Variants in ASIC2 observed in about 807,000 individuals in gnomAD.
ASIC2 encodes acid sensing ion channel subunit 2, also known as acid-sensing ion channel 2.
Under a neutral mutation model 57.3 loss-of-function variants are expected in ASIC2, and 25 were observed. The ratio of observed to expected loss-of-function variants is 0.44; its 90% CI spans 0.32 to 0.61. The LOEUF is 0.61. Among genes scored for constraint, ASIC2 ranks in the 20% least tolerant of loss-of-function variants. The probability of loss-of-function intolerance (pLI) is 0.06; values close to 1 mark genes in which losing one functional copy is unlikely to be tolerated. For synonymous variants in ASIC2, 319 were observed against 307.5 expected (o/e 1.04, Z -0.39); for missense variants, 641 against 738.1 (o/e 0.87, Z 1.52).
chr17:33,667,178 G>C (rs1004661575), intron 1 of ASIC2, among the ~76,000 whole-genome samples: 4 of 152,126 alleles, frequency 2.6e-5, no homozygotes, highest in Non-Finnish European at 5.9e-5. Context: ...ACAGTGATCC[G>C]CTTGTGTGCA....
At chr17:33,141,418 G>A (rs918852496) in intron 1 of ASIC2, among the ~76,000 whole-genome samples, 2 of 152,352 alleles carry the variant, frequency 1.3e-5, no homozygotes, top group African/African-American at 4.8e-5. Flanking sequence ...ACTGGGGAGA[G>A]GAAGGAGGAG....
At chr17:33,105,549 A>G (rs138433596) in intron 2 of ASIC2, among the ~76,000 whole-genome samples, 1 of 152,370 alleles carries the variant, frequency 6.6e-6, no homozygotes, top group African/African-American at 2.4e-5. Flanking sequence ...GGATATTGCT[A>G]TGAAGATACT....
At chr17:33,443,643 C>G (rs999766558) in intron 1 of ASIC2, among the ~76,000 whole-genome samples, 13 of 151,264 alleles carry the variant, frequency 8.6e-5, no homozygotes, top group Admixed American at 7.9e-4. Context: ...GTCTCGATCT[C>G]CTGACCTCGT....
intron 1 of ASIC2, among the ~76,000 whole-genome samples, chr17:33,384,276 A>T (rs2141948269): frequency 6.6e-6 from 1 of 152,342 alleles, no homozygotes; most frequent in Admixed American, 6.5e-5. Flanking sequence ...TTGAAGGGTG[A>T]TTTTGTAAGG....
chr17:34,011,933 A>G (rs769553065), intron 1 of ASIC2, among the ~76,000 whole-genome samples: 23 of 152,088 alleles, frequency 1.5e-4, no homozygotes, highest in Non-Finnish European at 2.9e-4. Context: ...CTTGCACCTG[A>G]CATCTCAGGT....
intron 1 of ASIC2, among the ~76,000 whole-genome samples, chr17:34,049,257 C>T (rs1383547895): frequency 6.6e-6 from 1 of 152,132 alleles, no homozygotes; most frequent in Non-Finnish European, 1.5e-5. Flanking sequence ...TGTGTCACTG[C>T]ACTCCTCCCT....
chr17:33,060,932 G>T (rs1366369286), intron 3 of ASIC2, among the ~76,000 whole-genome samples: 3 of 152,148 alleles, frequency 2.0e-5, no homozygotes, highest in African/African-American at 7.2e-5. Context: ...AACTGTGAAT[G>T]GGAGTTCATT....
At chr17:33,368,245 G>A (rs1908898602) in intron 1 of ASIC2, among the ~76,000 whole-genome samples, 1 of 152,190 alleles carries the variant, frequency 6.6e-6, no homozygotes, top group Non-Finnish European at 1.5e-5. Flanking sequence ...TGCACCTTGG[G>A]AGCTGACATG....
chr17:33,553,858 T>A (rs1385318140), intron 1 of ASIC2, among the ~76,000 whole-genome samples: 1 of 152,206 alleles, frequency 6.6e-6, no homozygotes, highest in African/African-American at 2.4e-5. Flanking sequence ...TAATGAGGCT[T>A]AAATGACTGT....
intron 1 of ASIC2, among the ~76,000 whole-genome samples, chr17:33,640,164 TAAGA>T (rs1465991834): frequency 6.6e-6 from 1 of 151,740 alleles, no homozygotes; most frequent in African/African-American, 2.4e-5. Flanking sequence ...AATAAAGATC[TAAGA>T]AAGAGGAAAG....
chr17:33,629,912 C>A (rs1289977412), intron 1 of ASIC2, among the ~76,000 whole-genome samples: 1 of 152,168 alleles, frequency 6.6e-6, no homozygotes, highest in East Asian at 1.9e-4. Context: ...AGCTGCAGTA[C>A]CATGAGGCTC....
At position 33,573,539 on chromosome 17, in the gene ASIC2, T is replaced by A. The variant is rs369570429; in HGVS notation, c.556-461472A>T. Reference sequence around the variant, plus strand: ...AACATCAGCTTGGTTAACAGTTTTGTTTGCCTGCTTTAAATCTTGTTTTTT... The same window carrying A: ...AACATCAGCTTGGTTAACAGTTTTGATTGCCTGCTTTAAATCTTGTTTTTT... On this transcript the variant is annotated intron_variant, in intron 1 of 9. Transcript: ENST00000359872. Among the ~76,000 whole-genome samples the A allele has an allele frequency of 5.5e-4, 84 of 152,294 alleles. No homozygotes were observed. The East Asian group carries it at 6.9e-3, about 13-fold the overall frequency.
At chr17:33,173,434 G>A (rs1326009366) in intron 1 of ASIC2, among the ~76,000 whole-genome samples, 3 of 152,160 alleles carry the variant, frequency 2.0e-5, no homozygotes, top group Non-Finnish European at 4.4e-5. Context: ...GGCTGAAGGC[G>A]CAAACAGAAA....
chr17:33,248,925 G>A (rs1297633501), intron 1 of ASIC2, among the ~76,000 whole-genome samples: 3 of 152,180 alleles, frequency 2.0e-5, no homozygotes, highest in East Asian at 3.9e-4. Flanking sequence ...GTTGGTACTT[G>A]GTATTTTTGG....
chr17:33,240,864 A>AG (rs1908477769), intron 1 of ASIC2, among the ~76,000 whole-genome samples: 2 of 152,140 alleles, frequency 1.3e-5, no homozygotes, highest in Non-Finnish European at 2.9e-5. Flanking sequence ...AGCAAAGCAA[A>AG]CAAACAAACA....
chr17:33,851,419 G>C (rs911000443), intron 1 of ASIC2, among the ~76,000 whole-genome samples: 1 of 152,176 alleles, frequency 6.6e-6, no homozygotes, highest in African/African-American at 2.4e-5. Context: ...AAATGGCAGG[G>C]GATGTGTTGG....
intron 1 of ASIC2, among the ~76,000 whole-genome samples, chr17:33,882,627 A>T (rs1054403793): frequency 3.3e-5 from 5 of 152,180 alleles, no homozygotes; most frequent in African/African-American, 9.7e-5. Context: ...GCTGGAGAGG[A>T]TGTGGAGAAA....
chr17:33,812,146 A>G (rs1330158348), intron 1 of ASIC2, among the ~76,000 whole-genome samples: 1 of 152,020 alleles, frequency 6.6e-6, no homozygotes, highest in Non-Finnish European at 1.5e-5. Context: ...TTCTCCAAGT[A>G]TCTAGTGCTT....
At chr17:34,110,491 T>G (rs1296971133) in intron 1 of ASIC2, among the ~76,000 whole-genome samples, 1 of 152,198 alleles carries the variant, frequency 6.6e-6, no homozygotes, top group Non-Finnish European at 1.5e-5. Context: ...TTAGCAGCTG[T>G]GCCAGCAGCA....
Sources: gnomAD v4.1 joint callset for allele counts (sites outside exome capture counted in the v4.1 genomes callset) on GRCh38, gnomAD v4.1.1 for gene constraint, MANE v1.5 for transcripts, NCBI Gene and HGNC (gene_info 2026-07-23, HGNC 2026-07-21) for gene names.